Variants in CARS2 observed in about 807,000 individuals in gnomAD.
CARS2 encodes the protein probable cysteine--tRNA ligase, mitochondrial.
In CARS2, 52 loss-of-function variants were observed where a neutral mutation model predicts 68.8. The observed-to-expected ratio is 0.76, with a 90% CI of 0.61 to 0.95. The LOEUF is 0.95. Ranked by LOEUF, CARS2 falls within the 40% of genes least tolerant of loss-of-function variation. The probability of loss-of-function intolerance (pLI) is 0.00; values close to 1 mark genes in which losing one functional copy is unlikely to be tolerated. For missense variants in CARS2, 780 were observed against 754.2 expected (o/e 1.03, Z -0.40); for synonymous variants, 314 against 303.6 (o/e 1.03, Z -0.36).
At chr13:110,651,561 C>A (rs189337750) in intron 9 of CARS2, among the ~76,000 whole-genome samples, 1 of 152,340 alleles carries the variant, frequency 6.6e-6, no homozygotes, top group East Asian at 1.9e-4. Flanking sequence ...CCAGCTCAGC[C>A]CAGCCAAGGG....
intron 3 of CARS2, among the ~76,000 whole-genome samples, chr13:110,700,499 G>A (rs2063753099): frequency 6.6e-6 from 1 of 152,190 alleles, no homozygotes; most frequent in East Asian, 1.9e-4. Context: ...GAAGATGATG[G>A]CCCAACGCAG....
chr13:110,712,566 C>CG, intron 1 of CARS2: 1 of 321,062 alleles, frequency 3.1e-6, no homozygotes, highest in Non-Finnish European at 6.1e-6. Context: ...GTCGCCTAGG[C>CG]AACGGGCTCG....
intron 3 of CARS2, among the ~76,000 whole-genome samples, chr13:110,696,226 A>ATACAC (rs2063619330): frequency 6.6e-6 from 1 of 152,196 alleles, no homozygotes; most frequent in Non-Finnish European, 1.5e-5. Flanking sequence ...TGCTGCAATA[A>ATACAC]ACATACGTGT....
At position 110,668,477 on chromosome 13, in the gene CARS2, G is replaced by A. The variant is rs1367215062; in HGVS notation, c.786-1004C>T. Among the ~76,000 whole-genome samples, 2 of 151,756 alleles carry A rather than the reference G, an allele frequency of 1.3e-5. No individual in the cohort carries two copies. Among genetic ancestry groups the A allele is most frequent in the Non-Finnish European group, 2.9e-5 (2 of 68,008 alleles). On this transcript the variant is annotated intron_variant, in intron 7 of 14. Transcript: ENST00000257347. The surrounding 1 kb of genome is among the most constrained non-coding windows in gnomAD (Gnocchi z 4.1). ...GAATGGCATGAACCCGGGAGGCGGA[G>A]CTTGCAGTGAGCCGAGATCGCGCCA...
chr13:110,659,468 T>C (rs78061616), intron 9 of CARS2, among the ~76,000 whole-genome samples: 1,813 of 150,560 alleles, frequency 0.012, 46 homozygotes, highest in African/African-American at 0.043. Flanking sequence ...CTCCCAAAAC[T>C]TGCCTGCCCC....
chr13:110,667,476 G>A lies in CARS2; in HGVS notation c.786-3C>T, dbSNP rs1448682855. ...CCAGTTGACTTCCAAATACCATACT[G>A]CAAGACACAGTGCAAAGTAGTGAAT... On this transcript the variant is annotated splice_polypyrimidine_tract_variant and splice_region_variant and intron_variant, in intron 7 of 14. Transcript: ENST00000257347. The A allele has an allele frequency of 6.2e-7, 1 of 1,613,094 alleles. No homozygotes were observed. Among genetic ancestry groups the A allele is most frequent in the Admixed American group, 1.7e-5 (1 of 59,860 alleles).
chr13:110,709,428 T>C (rs1339031389), upstream of CARS2, among the ~76,000 whole-genome samples: 1 of 152,110 alleles, frequency 6.6e-6, no homozygotes, highest in East Asian at 1.9e-4. Context: ...TTGCGGATCA[T>C]CAAAACAAGG....
intron 3 of CARS2, among the ~76,000 whole-genome samples, chr13:110,690,350 C>T (rs1279626937): frequency 6.6e-6 from 1 of 152,172 alleles, no homozygotes; most frequent in Non-Finnish European, 1.5e-5. Context: ...TGGCTTTCCT[C>T]CCAGAAGGAA....
intron 8 of CARS2, chr13:110,666,055 G>C: frequency 2.0e-6 from 2 of 985,288 alleles, no homozygotes; most frequent in Non-Finnish European, 2.4e-6. Context: ...CTCCCAGCAC[G>C]CTTCCTCTCC....
At chr13:110,671,019 G>C (rs2062788838) in intron 7 of CARS2, among the ~76,000 whole-genome samples, 1 of 152,166 alleles carries the variant, frequency 6.6e-6, no homozygotes, top group South Asian at 2.1e-4. Context: ...AGAGAAAAAA[G>C]AGTAAAAAGA....
chr13:110,676,947 A>G lies in CARS2; in HGVS notation c.785+27T>C. The G allele has an allele frequency of 2.0e-6, 3 of 1,505,410 alleles. No homozygotes were observed. Among genetic ancestry groups the G allele is most frequent in the Non-Finnish European group, 2.7e-6 (3 of 1,120,510 alleles). 93.3% of individuals were successfully genotyped at this position (1,505,410 alleles called of 1,614,324 possible). A position where few individuals can be genotyped will look rare whatever the true frequency, so the allele number is the denominator to read the frequency against. On this transcript the variant is annotated intron_variant, in intron 7 of 14. Coordinates refer to ENST00000257347, the MANE Select transcript of CARS2 (RefSeq NM_024537.4). The surrounding 1 kb of genome is among the most constrained non-coding windows in gnomAD (Gnocchi z 4.0). The stretch of plus-strand genomic sequence containing the variant: ...AGGCACCAGGGGAACTTGAGCCCCA[A>G]CCCCCAGGAAGCGGCAGGCACCTTA...
intron 9 of CARS2, among the ~76,000 whole-genome samples, chr13:110,654,253 T>C (rs1464101197): frequency 2.0e-5 from 3 of 152,338 alleles, no homozygotes; most frequent in Non-Finnish European, 4.4e-5. Context: ...CTTTGAGACG[T>C]ACAGTAACTA....
rs2062978511 is a variant in CARS2 at position 110,677,192 on chromosome 13, G to C, written c.656-89C>G. On this transcript the variant is annotated intron_variant, in intron 6 of 14. Coordinates refer to ENST00000257347, the MANE Select transcript of CARS2 (RefSeq NM_024537.4). Reference sequence around the variant, plus strand: ...CATTCACCCCCACCACAGAAACCCAGACAGTCACCCCCACCATGGAAACAC... The same window carrying C: ...CATTCACCCCCACCACAGAAACCCACACAGTCACCCCCACCATGGAAACAC... 6 of 1,342,218 alleles carry C rather than the reference G, an allele frequency of 4.5e-6. No individual in the cohort carries two copies. In the Admixed American group the frequency reaches 1.5e-4, roughly 34 times the overall value. 83.1% of individuals were successfully genotyped at this position (1,342,218 alleles called of 1,614,324 possible). A position where few individuals can be genotyped will look rare whatever the true frequency, so the allele number is the denominator to read the frequency against.
intron 3 of CARS2, among the ~76,000 whole-genome samples, chr13:110,700,090 G>A (rs1019057299): frequency 1.2e-4 from 19 of 152,246 alleles, no homozygotes; most frequent in African/African-American, 4.6e-4. Context: ...CTGAAGGTCT[G>A]TGCAACCTCA....
chr13:110,680,158 G>GCA (rs2063118111), intron 6 of CARS2, among the ~76,000 whole-genome samples: 2 of 147,186 alleles, frequency 1.4e-5, no homozygotes, highest in East Asian at 2.0e-4. Context: ...GGGGGGGGGG[G>GCA]GGGGGGGTGG....
intron 10 of CARS2, 68 bp from the exon 11 acceptor site, chr13:110,647,307 A>C (rs1390896095): frequency 2.6e-6 from 4 of 1,557,628 alleles, no homozygotes; most frequent in Non-Finnish European, 3.5e-6. Context: ...GTCCAGCAGA[A>C]TCAGTGTTTT....
In CARS2 at chr13:110,666,096, G is replaced by C. The variant is rs140274023; in HGVS notation, c.919+1244C>G. On this transcript the variant is annotated intron_variant, in intron 8 of 14. Coordinates refer to ENST00000257347, the MANE Select transcript of CARS2 (RefSeq NM_024537.4). ...CACAATTCAGAAGTCCTTGGGCCAC[G>C]GAAGAGAGACCTCCTTCCCCATGGT... The C allele has an allele frequency of 6.1e-6, 6 of 985,286 alleles. No homozygotes were observed. In the South Asian group the frequency reaches 2.3e-4, roughly 39 times the overall value. 61.0% of individuals were successfully genotyped at this position (985,286 alleles called of 1,614,324 possible). A position where few individuals can be genotyped will look rare whatever the true frequency, so the allele number is the denominator to read the frequency against.
intron 12 of CARS2, chr13:110,645,080 G>A (rs1000170352): frequency 4.6e-5 from 7 of 153,334 alleles, no homozygotes; most frequent in African/African-American, 7.2e-5. Context: ...AGGAGCTCCC[G>A]TGCAGGAGCA....
intron 5 of CARS2, among the ~76,000 whole-genome samples, chr13:110,685,539 G>A (rs1361835864): frequency 1.3e-5 from 2 of 152,176 alleles, no homozygotes; most frequent in Non-Finnish European, 2.9e-5. Context: ...GCCGTCGGCT[G>A]GATACTTTAA....
Sources: gnomAD v4.1 joint callset for allele counts (sites outside exome capture counted in the v4.1 genomes callset) on GRCh38, gnomAD v4.1.1 for gene constraint, Gnocchi (gnomAD v3.1) non-coding constraint, MANE v1.5 for transcripts, NCBI Gene and HGNC (gene_info 2026-07-23, HGNC 2026-07-21) for gene names.